The following DIP2C variants were observed in gnomAD, a reference collection of about 807,000 sequenced individuals.
DIP2C encodes the protein disco-interacting protein 2 homolog C.
Under a neutral mutation model 192.4 loss-of-function variants are expected in DIP2C, and 33 were observed. The observed-to-expected ratio is 0.17, with a 90% CI of 0.13 to 0.23. The LOEUF (loss-of-function observed/expected upper bound fraction) is 0.23, where lower values mean the gene tolerates loss of function less well. Ranked by LOEUF, DIP2C falls within the 10% of genes least tolerant of loss-of-function variation. The probability of loss-of-function intolerance (pLI) is 1.00; values close to 1 mark genes in which losing one functional copy is unlikely to be tolerated. For synonymous variants in DIP2C, 979 were observed against 864.1 expected (o/e 1.13, Z -2.33); for missense variants, 1,537 against 2,110.1 (o/e 0.73, Z 5.32).
chr10:550,038 C>CT (rs1848506437), intron 1 of DIP2C, among the ~76,000 whole-genome samples: 1 of 144,660 alleles, frequency 6.9e-6, no homozygotes, highest in Admixed American at 7.0e-5. Flanking sequence ...TTAAGACAGT[C>CT]TCCCTCTGTC....
intron 29 of DIP2C, among the ~76,000 whole-genome samples, chr10:335,244 T>C (rs566430675): frequency 2.0e-5 from 3 of 152,340 alleles, no homozygotes; most frequent in Admixed American, 6.5e-5. Flanking sequence ...CACAAAGTTA[T>C]AGAAAATGTA....
intron 10 of DIP2C, among the ~76,000 whole-genome samples, chr10:391,301 AAAGGCACG>A (rs970197989): frequency 8.0e-5 from 5 of 62,276 alleles, no homozygotes; most frequent in Non-Finnish European, 1.7e-4. Flanking sequence ...CTCAAAGACC[AAAGGCACG>A]AAAGGCACAC....
intron 2 of DIP2C, among the ~76,000 whole-genome samples, chr10:481,817 G>A: frequency 6.6e-6 from 1 of 152,158 alleles, no homozygotes; most frequent in Admixed American, 6.5e-5. Flanking sequence ...TGGGGCGGGG[G>A]GAAGTGAGGG....
intron 1 of DIP2C, among the ~76,000 whole-genome samples, chr10:578,803 A>G (rs1311058788): frequency 7.1e-6 from 1 of 141,384 alleles, no homozygotes; most frequent in Non-Finnish European, 1.5e-5. Flanking sequence ...GCACTATAAC[A>G]TGTGTGCATG....
chr10:472,142 T>A lies in DIP2C; in HGVS notation c.268+297A>T, dbSNP rs188063511. Among the ~76,000 whole-genome samples, 295 of 152,272 alleles carry A rather than the reference T, an allele frequency of 1.9e-3. 1 individual carries two copies. The highest frequency in any genetic ancestry group is 0.01 in the Middle Eastern group (3 of 294). On this transcript the variant is annotated intron_variant, in intron 3 of 36. Coordinates refer to ENST00000280886, the MANE Select transcript of DIP2C (RefSeq NM_014974.3). ...GAAAAAACTATACTAGCAACCACGA[T>A]TAAAAAGTTATTTAACAGTGACACC...
At chr10:653,434 C>A (rs541190445) in intron 1 of DIP2C, among the ~76,000 whole-genome samples, 4 of 152,018 alleles carry the variant, frequency 2.6e-5, no homozygotes. Context: ...GGTGACAGAG[C>A]GAGACTCTTG....
intron 10 of DIP2C, among the ~76,000 whole-genome samples, chr10:392,388 G>A (rs1402278013): frequency 6.6e-6 from 1 of 152,178 alleles, no homozygotes; most frequent in African/African-American, 2.4e-5. Flanking sequence ...GCTAAACCCT[G>A]CCCTGGTAGT....
intron 26 of DIP2C, among the ~76,000 whole-genome samples, chr10:346,609 G>A (rs878934691): frequency 6.9e-5 from 9 of 129,770 alleles, no homozygotes; most frequent in African/African-American, 2.7e-4. Context: ...CAGACACACC[G>A]CGCATAGTTC....
rs555986957 is a variant in DIP2C at position 326,902 on chromosome 10, T to C, written c.3924+104A>G. On this transcript the variant is annotated intron_variant, in intron 31 of 36. Transcript: ENST00000280886. ...GTGTGACTGAAAGATCTCTTCTGGA[T>C]GTAGCTAAGCATCAGCCGAGGGAGA... 5 of 1,373,032 alleles carry C rather than the reference T, an allele frequency of 3.6e-6. No individual in the cohort carries two copies. The East Asian group carries it at 1.2e-4, about 33-fold the overall frequency. The allele number at this position is 1,373,032 out of a possible 1,614,324, so 85.1% of individuals were successfully genotyped here. A position where few individuals can be genotyped will look rare whatever the true frequency, so the allele number is the denominator to read the frequency against.
intron 4 of DIP2C, among the ~76,000 whole-genome samples, chr10:423,379 A>G (rs529554351): frequency 2.0e-5 from 3 of 152,302 alleles, no homozygotes; most frequent in Admixed American, 2.0e-4. Context: ...CGCGTTTCCT[A>G]GGGGATGCTG....
chr10:306,545 A>G (rs959593254), intron 32 of DIP2C, among the ~76,000 whole-genome samples: 5 of 152,258 alleles, frequency 3.3e-5, no homozygotes, highest in African/African-American at 1.2e-4. Flanking sequence ...CAACAGGAAC[A>G]GTAATTAATC....
chr10:672,327 G>A (rs1830692685), intron 1 of DIP2C, among the ~76,000 whole-genome samples: 1 of 152,200 alleles, frequency 6.6e-6, no homozygotes, highest in Admixed American at 6.5e-5. Context: ...ACAGACCCAC[G>A]GACGAAGGAA....
chr10:536,039 A>G (rs943588064), intron 1 of DIP2C, among the ~76,000 whole-genome samples: 8 of 152,208 alleles, frequency 5.3e-5, no homozygotes, highest in Non-Finnish European at 1.0e-4. Flanking sequence ...CAAATGTCCC[A>G]GATTGGGCAG....
intron 1 of DIP2C, among the ~76,000 whole-genome samples, chr10:683,770 G>A (rs975108363): frequency 2.0e-5 from 3 of 152,182 alleles, no homozygotes; most frequent in Admixed American, 2.0e-4. Flanking sequence ...GTTCCTCAGT[G>A]CGCTCCCTCT....
chr10:467,502 G>T (rs1357959856), intron 3 of DIP2C, among the ~76,000 whole-genome samples: 1 of 140,758 alleles, frequency 7.1e-6, no homozygotes, highest in East Asian at 2.1e-4. Context: ...TGCACAATGT[G>T]CACATGTACC....
intron 1 of DIP2C, among the ~76,000 whole-genome samples, chr10:612,808 G>A (rs1289097528): frequency 2.0e-5 from 3 of 152,082 alleles, no homozygotes; most frequent in African/African-American, 2.4e-5. Flanking sequence ...AAATATTGAC[G>A]CTCCACAGAA....
intron 7 of DIP2C, among the ~76,000 whole-genome samples, chr10:414,596 A>C (rs1411051871): frequency 1.3e-5 from 2 of 149,718 alleles, no homozygotes; most frequent in African/African-American, 4.9e-5. Context: ...TGCAGCCTCG[A>C]CCTCCCAGGC....
At chr10:587,518 G>C (rs1384032311) in intron 1 of DIP2C, among the ~76,000 whole-genome samples, 4 of 152,288 alleles carry the variant, frequency 2.6e-5, no homozygotes, top group East Asian at 3.9e-4. Flanking sequence ...GTCCTATAAA[G>C]GTCATTAATC....
chr10:685,187 C>T (rs368255906), intron 1 of DIP2C, among the ~76,000 whole-genome samples: 1,471 of 22,162 alleles, frequency 0.066, 56 homozygotes, highest in African/African-American at 0.15. Context: ...TATATATATA[C>T]ATATATATAT....
Sources: allele counts gnomAD v4.1 joint callset (sites outside exome capture counted in the v4.1 genomes callset), GRCh38; gene constraint gnomAD v4.1.1; transcripts MANE v1.5; gene names NCBI Gene and HGNC (gene_info 2026-07-23, HGNC 2026-07-21).